The following PITPNM2 variants were observed in gnomAD, a reference collection of about 807,000 sequenced individuals.
PITPNM2 encodes membrane-associated phosphatidylinositol transfer protein 2.
A neutral mutation model predicts 132.2 loss-of-function variants in PITPNM2; 35 were observed. That is an observed-to-expected ratio of 0.26 (90% CI 0.20 to 0.35). The LOEUF is 0.35. Among genes scored for constraint, PITPNM2 ranks in the 10% least tolerant of loss-of-function variants. The pLI, the probability that PITPNM2 is intolerant of heterozygous loss-of-function variation, is 1.00. For missense variants in PITPNM2, 1,332 were observed against 1,912.0 expected (o/e 0.70, Z 5.66); for synonymous variants, 738 against 799.2 (o/e 0.92, Z 1.29).
intron 3 of PITPNM2, 60 bp from the exon 4 acceptor site, chr12:123,014,102 G>A (rs886744366): frequency 3.2e-6 from 5 of 1,576,202 alleles, no homozygotes; most frequent in Non-Finnish European, 4.3e-6. Flanking sequence ...AGGAGGGAAG[G>A]GGCACAGGAG....
chr12:123,079,755 C>A (rs2041903221), intron 2 of PITPNM2, among the ~76,000 whole-genome samples: 1 of 152,162 alleles, frequency 6.6e-6, no homozygotes, highest in African/African-American at 2.4e-5. Flanking sequence ...CTTCTTCTCA[C>A]TTTTTTTATT....
chr12:123,133,892 G>A (rs1454893280), intron 1 of PITPNM2, among the ~76,000 whole-genome samples: 2 of 152,036 alleles, frequency 1.3e-5, no homozygotes, highest in Non-Finnish European at 2.9e-5. Flanking sequence ...ATGTTGGCCA[G>A]ACTAATCTTG....
intron 1 of PITPNM2, among the ~76,000 whole-genome samples, chr12:123,132,870 A>T (rs1393480853): frequency 1.3e-5 from 2 of 152,206 alleles, no homozygotes; most frequent in African/African-American, 4.8e-5. Flanking sequence ...ATAAAGAGGA[A>T]TGGAATGCTG....
chr12:123,121,165 A>C (rs2043026331), intron 1 of PITPNM2, among the ~76,000 whole-genome samples: 1 of 152,202 alleles, frequency 6.6e-6, no homozygotes, highest in Non-Finnish European at 1.5e-5. Context: ...CCAAGCTCTC[A>C]CCGGTTCAAG....
rs1405343898 is a variant in PITPNM2, at chr12:123,082,905, C to CTACT, written c.-96+27476_-96+27479dup. 1 of 152,314 alleles carries CTACT rather than the reference C, an allele frequency of 6.6e-6. No individual in the cohort carries two copies. The highest frequency in any genetic ancestry group is 1.5e-5 in the Non-Finnish European group (1 of 68,090). 9.4% of individuals were successfully genotyped at this position (152,314 alleles called of 1,614,324 possible). A position where few individuals can be genotyped will look rare whatever the true frequency, so the allele number is the denominator to read the frequency against. ...TTCACCAGCCCCAGCACTCACTGTT[C>CTACT]TACTGTCTGTCGCTGTGCATTTGAC... On this transcript the variant is annotated intron_variant, in intron 2 of 25. Coordinates refer to ENST00000320201, the MANE Select transcript of PITPNM2 (RefSeq NM_020845.3). The surrounding 1 kb of genome is among the most constrained non-coding windows in gnomAD (Gnocchi z 5.4).
intron 1 of PITPNM2, among the ~76,000 whole-genome samples, chr12:123,113,612 G>C (rs2042882650): frequency 6.6e-6 from 1 of 152,066 alleles, no homozygotes; most frequent in Non-Finnish European, 1.5e-5. Flanking sequence ...GAGTTGGGAG[G>C]GTAACCTGAG....
chr12:123,087,616 C>T (rs1566286479), intron 2 of PITPNM2: 1 of 151,814 alleles, frequency 6.6e-6, no homozygotes, highest in Non-Finnish European at 1.5e-5. Flanking sequence ...TACAGAATTT[C>T]TTTTTTTTCT....
At chr12:123,098,616 C>G (rs749154852) in intron 2 of PITPNM2, among the ~76,000 whole-genome samples, 1 of 152,124 alleles carries the variant, frequency 6.6e-6, no homozygotes, top group Non-Finnish European at 1.5e-5. Flanking sequence ...GAGGCATAGG[C>G]AGGAGGATTG....
At chr12:122,987,712 T>C (rs2037996610) in intron 21 of PITPNM2, 53 bp from the exon 22 acceptor site, 2 of 1,611,452 alleles carry the variant, frequency 1.2e-6, no homozygotes, top group Non-Finnish European at 1.7e-6. Context: ...CTCCACCCCC[T>C]GCACCCCGGC....
chr12:123,128,235 C>T (rs1349742875), intron 1 of PITPNM2, among the ~76,000 whole-genome samples: 1 of 111,386 alleles, frequency 9.0e-6, no homozygotes, highest in East Asian at 2.9e-4. Context: ...CAAGACCAGC[C>T]TAGTAAACAT....
At chr12:123,142,031 T>C (rs984812972) in intron 1 of PITPNM2, among the ~76,000 whole-genome samples, 4 of 152,036 alleles carry the variant, frequency 2.6e-5, no homozygotes, top group Non-Finnish European at 2.9e-5. Context: ...ATAATTGAAG[T>C]AAAATGAAAA....
chr12:122,991,973 G>C, intron 16 of PITPNM2: 1 of 1,252,490 alleles, frequency 8.0e-7, no homozygotes, highest in East Asian at 2.9e-5. Context: ...CTCTGACACA[G>C]AGACTCAGGG....
At chr12:123,068,478 TAAATAAATAAATAAATAAATAAAA>T (rs1297459449) in intron 2 of PITPNM2, among the ~76,000 whole-genome samples, 5 of 149,770 alleles carry the variant, frequency 3.3e-5, no homozygotes, top group African/African-American at 1.2e-4. Context: ...AATAAATAAA[TAAATAAATAAATAAATAAATAAAA>T]ATAATCCTTG....
At chr12:123,093,193 T>G (rs1461755939) in intron 2 of PITPNM2, among the ~76,000 whole-genome samples, 1 of 152,112 alleles carries the variant, frequency 6.6e-6, no homozygotes, top group African/African-American at 2.4e-5. Flanking sequence ...GAAAGTAGAT[T>G]AGTGGTTGCC....
chr12:123,029,196 A>G (rs1474866890), intron 3 of PITPNM2, among the ~76,000 whole-genome samples: 1 of 152,224 alleles, frequency 6.6e-6, no homozygotes, highest in African/African-American at 2.4e-5. Flanking sequence ...GCCACCTAGG[A>G]GCCCGGAGAT....
chr12:123,122,584 G>A (rs1035678966), intron 1 of PITPNM2, among the ~76,000 whole-genome samples: 1 of 152,142 alleles, frequency 6.6e-6, no homozygotes, highest in Admixed American at 6.5e-5. Flanking sequence ...CTCCCTGAAG[G>A]TTAGCTTCTG....
Position 122,987,574 on chromosome 12 carries a change from G to A in PITPNM2, c.3200C>T (p.Ser1067Phe). 1 of 1,613,968 alleles carries A rather than the reference G, an allele frequency of 6.2e-7. No individual in the cohort carries two copies. The highest frequency in any genetic ancestry group is 8.5e-7 in the Non-Finnish European group (1 of 1,180,012). Reference protein sequence around the residue: ...TLVTNNSGRVSYTIPESHRLG... With the variant: ...TLVTNNSGRVFYTIPESHRLG... ...GCGGTGCGACTCAGGGATGGTGTAGGAGACACGCCCACTGTTGTTGGTCAC... is the reference window on the plus strand; with the variant it reads ...GCGGTGCGACTCAGGGATGGTGTAGAAGACACGCCCACTGTTGTTGGTCAC... The change falls in exon 22 of 26, where the codon TCC becomes TTC. Residue 1067 changes from serine (S) to phenylalanine (F), a missense_variant. By Grantham distance (155) the Ser-to-Phe change is radical (BLOSUM62 -2). This residue lies in a region of PITPNM2 where 251 missense variants were observed against 472.0 expected (regional missense o/e 0.53). Transcript: ENST00000320201.
rs766282730 is a variant in PITPNM2, at chr12:122,988,714, C to T, written c.2880+10G>A. ...CAGGGCCCTCCTGGGAGGTCCCAGG[C>T]CCCGGGTACCTGTCTCAGCAGAAAG... On this transcript the variant is annotated intron_variant, in intron 19 of 25. Coordinates refer to ENST00000320201, the MANE Select transcript of PITPNM2 (RefSeq NM_020845.3). The T allele has an allele frequency of 1.6e-5, 25 of 1,553,128 alleles. No homozygotes were observed. In the Admixed American group the frequency reaches 4.9e-4, roughly 30 times the overall value.
rs2041109878 is a variant in PITPNM2, at chr12:123,058,251, C to T, written c.-95-23566G>A. ...GTCTCCAATGCCACCATGGGGTCCC[C>T]TCCCCAAGAATTCCAAGTCACCCAT... is the stretch of plus-strand genomic sequence containing the variant. On this transcript the variant is annotated intron_variant, in intron 2 of 25. Coordinates refer to ENST00000320201, the MANE Select transcript of PITPNM2 (RefSeq NM_020845.3). This position sits in a 1 kb window ranked among gnomAD's most constrained non-coding sequence, Gnocchi z 4.0. Among the ~76,000 whole-genome samples the T allele has an allele frequency of 6.6e-6, 1 of 152,154 alleles. No homozygotes were observed. Among genetic ancestry groups the T allele is most frequent in the Non-Finnish European group, 1.5e-5 (1 of 68,020 alleles).
Sources: gnomAD v4.1 joint callset for allele counts (sites outside exome capture counted in the v4.1 genomes callset) on GRCh38, gnomAD v4.1.1 for gene constraint, gnomAD v4.1.1 regional missense constraint, Gnocchi (gnomAD v3.1) non-coding constraint, MANE v1.5 for transcripts, NCBI Gene and HGNC (gene_info 2026-07-23, HGNC 2026-07-21) for gene names.